The following SLC13A3 variants were observed in gnomAD, a reference collection of about 807,000 sequenced individuals.
SLC13A3 encodes solute carrier family 13 member 3, also known as Na(+)/dicarboxylate cotransporter 3.
In SLC13A3, 40 loss-of-function variants were observed where a neutral mutation model predicts 59.0. The observed-to-expected ratio is 0.68, with a 90% CI of 0.53 to 0.88. The LOEUF is 0.88. Ranked by LOEUF, SLC13A3 falls within the 40% of genes least tolerant of loss-of-function variation. SLC13A3 has a pLI of 0.00. For missense variants in SLC13A3, 699 were observed against 783.2 expected (o/e 0.89, Z 1.28); for synonymous variants, 317 against 330.3 (o/e 0.96, Z 0.44).
At chr20:46,660,459 T>C (rs2063022672) in intron 1 of SLC13A3, among the ~76,000 whole-genome samples, 1 of 152,138 alleles carries the variant, frequency 6.6e-6, no homozygotes, top group South Asian at 2.1e-4. Flanking sequence ...CCACCATTCA[T>C]ATCATTGATC....
Position 46,580,431 on chromosome 20 carries a change from T to C in SLC13A3, c.1219+3141A>G, listed in dbSNP as rs1360259212. Among the ~76,000 whole-genome samples the C allele has an allele frequency of 2.0e-5, 3 of 149,296 alleles. No homozygotes were observed. In the Admixed American group the frequency reaches 2.0e-4, roughly 10 times the overall value. ...ATGTTACCTTCCATCTGGAGAAAAA[T>C]ATAGGTCAAATATATATAAATATAT... On this transcript the variant is annotated intron_variant, in intron 9 of 12. Coordinates refer to ENST00000279027, the MANE Select transcript of SLC13A3 (RefSeq NM_022829.6).
upstream of SLC13A3, among the ~76,000 whole-genome samples, chr20:46,655,866 G>A (rs181254220): frequency 6.0e-5 from 8 of 133,136 alleles, no homozygotes; most frequent in Non-Finnish European, 1.1e-4. Context: ...TATATATACT[G>A]TACAGTATAT....
intron 3 of SLC13A3, among the ~76,000 whole-genome samples, chr20:46,607,881 T>C (rs2062451559): frequency 6.6e-6 from 1 of 152,170 alleles, no homozygotes; most frequent in Non-Finnish European, 1.5e-5. Flanking sequence ...TTTCTGTAAA[T>C]GAGGTCGATG....
chr20:46,584,085 T>C (rs1180942350), intron 8 of SLC13A3: 2 of 985,214 alleles, frequency 2.0e-6, no homozygotes, highest in Non-Finnish European at 1.2e-6. Flanking sequence ...TGCATTGAGA[T>C]ACAGCCCACT....
intron 1 of SLC13A3, among the ~76,000 whole-genome samples, chr20:46,625,027 T>C (rs2062654090): frequency 6.6e-6 from 1 of 152,222 alleles, no homozygotes; most frequent in Admixed American, 6.5e-5. Flanking sequence ...GAGAAGGGTC[T>C]GCTGTAAAGG....
intron 8 of SLC13A3, among the ~76,000 whole-genome samples, chr20:46,584,831 G>A (rs2062175469): frequency 6.6e-6 from 1 of 152,176 alleles, no homozygotes; most frequent in Admixed American, 6.5e-5. Context: ...GTGCAACGAT[G>A]TTCATTACTG....
intron 1 of SLC13A3, among the ~76,000 whole-genome samples, chr20:46,620,662 A>G (rs1182661427): frequency 1.3e-5 from 2 of 152,212 alleles, no homozygotes; most frequent in Non-Finnish European, 2.9e-5. Flanking sequence ...GAGCATCCAC[A>G]TGGATCTGCA....
At chr20:46,579,737 T>C (rs1261808605) in intron 9 of SLC13A3, among the ~76,000 whole-genome samples, 2 of 152,234 alleles carry the variant, frequency 1.3e-5, no homozygotes, top group Admixed American at 1.3e-4. Context: ...ATAGTATTTG[T>C]TTTTCAACTT....
At chr20:46,610,923 A>G (rs189163104) in intron 2 of SLC13A3, among the ~76,000 whole-genome samples, 63 of 150,926 alleles carry the variant, frequency 4.2e-4, no homozygotes, top group African/African-American at 1.5e-3. Context: ...AAGACACTCC[A>G]CTATCTTTCC....
rs542558255 is a variant in SLC13A3 at position 46,588,985 on chromosome 20, C to G, written c.1016+175G>C. ...TCCTCAGGTTTCTACCCCAGCACCACGGCAAGAGGTTGACTGTGTAAACCA... is the reference window on the plus strand; with the variant it reads ...TCCTCAGGTTTCTACCCCAGCACCAGGGCAAGAGGTTGACTGTGTAAACCA... On this transcript the variant is annotated intron_variant, in intron 7 of 12. Coordinates refer to ENST00000279027, the MANE Select transcript of SLC13A3 (RefSeq NM_022829.6). Among the ~76,000 whole-genome samples, 13 of 152,284 alleles carry G rather than the reference C, an allele frequency of 8.5e-5. No homozygotes were observed. The East Asian group carries it at 2.5e-3, about 29-fold the overall frequency.
rs147677868 is a variant in SLC13A3, at chr20:46,630,255, C to T, written c.112-16530G>A. 1.1e-3 allele frequency among the ~76,000 whole-genome samples: 161 copies of T among 152,336 alleles called. 1 individual carries two copies. The highest frequency in any genetic ancestry group is 3.7e-3 in the African/African-American group (153 of 41,574). ...ACCTTTACAGCCATACAGGTGATCA[C>T]TATCCACAATCTCTCTCCCATGTGC... On this transcript the variant is annotated intron_variant, in intron 1 of 12. Coordinates refer to ENST00000279027, the MANE Select transcript of SLC13A3 (RefSeq NM_022829.6).
At position 46,560,125 on chromosome 20, in the gene SLC13A3, G is replaced by T; in HGVS notation, c.1706C>A (p.Thr569Asn). The change falls in exon 13 of 13, where the codon ACC (threonine) becomes AAC (asparagine). Residue 569 changes from threonine (T) to asparagine (N), a missense_variant. Coordinates refer to ENST00000279027, the MANE Select transcript of SLC13A3 (RefSeq NM_022829.6). ...CGGGAAGGTGCCCAGCTGGAAGATG[G>T]TCTGTGCCCAGGTATTCATAGCCAA... ...LSLAMNTWAQTIFQLGTFPDW... is the reference protein window; with the variant it reads ...LSLAMNTWAQNIFQLGTFPDW... 6.2e-7 allele frequency: 1 copy of T among 1,614,164 alleles called. No homozygotes were observed. Among genetic ancestry groups the T allele is most frequent in the Non-Finnish European group, 8.5e-7 (1 of 1,180,014 alleles).
At chr20:46,680,025 C>T (rs1035315389) in intron 1 of SLC13A3, among the ~76,000 whole-genome samples, 4 of 152,166 alleles carry the variant, frequency 2.6e-5, no homozygotes, top group African/African-American at 9.7e-5. Context: ...TCTACTCCCC[C>T]ATCTGTAAAA....
chr20:46,634,658 G>T (rs2062778375), intron 1 of SLC13A3, among the ~76,000 whole-genome samples: 1 of 152,172 alleles, frequency 6.6e-6, no homozygotes, highest in African/African-American at 2.4e-5. Context: ...TGGCTGCCCA[G>T]GCCTCACTAA....
At chr20:46,560,680 A>G (rs1313620947) in intron 12 of SLC13A3, among the ~76,000 whole-genome samples, 1 of 152,104 alleles carries the variant, frequency 6.6e-6, no homozygotes, top group African/African-American at 2.4e-5. Context: ...ATATGTACAC[A>G]TAGGTACACA....
chr20:46,592,229 A>C lies in SLC13A3; in HGVS notation c.920+175T>G, dbSNP rs112679472. ...CCTGTCTGTAAAACTAAATGCATAC[A>C]TACATACATACATACATACATATAT... On this transcript the variant is annotated intron_variant, in intron 6 of 12. Transcript: ENST00000279027. Among the ~76,000 whole-genome samples the C allele has an allele frequency of 1.7e-3, 211 of 124,080 alleles. 1 individual carries two copies. Among genetic ancestry groups the C allele is most frequent in the Non-Finnish European group, 2.6e-3 (166 of 65,024 alleles). 81.4% of individuals were successfully genotyped at this position (124,080 alleles called of 152,430 possible). A position where few individuals can be genotyped will look rare whatever the true frequency, so the allele number is the denominator to read the frequency against.
Position 46,559,717 on chromosome 20 carries a change from G to C in SLC13A3, c.*305C>G, listed in dbSNP as rs1485679676. The C allele has an allele frequency of 1.4e-5, 4 of 286,472 alleles. No individual in the cohort carries two copies. The highest frequency in any genetic ancestry group is 2.6e-5 in the Non-Finnish European group (4 of 152,150). The allele number at this position is 286,472 out of a possible 1,614,324, so 17.7% of individuals were successfully genotyped here. On this transcript the variant is annotated 3_prime_UTR_variant, in exon 13 of 13. Coordinates refer to ENST00000279027, the MANE Select transcript of SLC13A3 (RefSeq NM_022829.6). ...ACTGTACGAGACAAACACCATGCCAGATTTGCTCACTGTTGATGACACTGG... is the reference window on the plus strand; with the variant it reads ...ACTGTACGAGACAAACACCATGCCACATTTGCTCACTGTTGATGACACTGG...
At chr20:46,639,273 C>T (rs1170442631) in intron 1 of SLC13A3, among the ~76,000 whole-genome samples, 2 of 151,932 alleles carry the variant, frequency 1.3e-5, no homozygotes, top group African/African-American at 2.4e-5. Context: ...ACCAGACTGG[C>T]CAACATGGTG....
intron 6 of SLC13A3, among the ~76,000 whole-genome samples, chr20:46,590,777 C>A (rs1049502411): frequency 6.6e-6 from 1 of 152,014 alleles, no homozygotes; most frequent in Admixed American, 6.6e-5. Flanking sequence ...ATTCTCTGAT[C>A]CAGAAATCCC....
Sources: allele counts gnomAD v4.1 joint callset (sites outside exome capture counted in the v4.1 genomes callset), GRCh38; gene constraint gnomAD v4.1.1; transcripts MANE v1.5; gene names NCBI Gene and HGNC (gene_info 2026-07-23, HGNC 2026-07-21).